The following MDK variants were observed in gnomAD, a reference collection of about 807,000 sequenced individuals.
The protein encoded by MDK is amphiregulin-associated protein.
In MDK, 17 loss-of-function variants were observed where a neutral mutation model predicts 18.9. That is an observed-to-expected ratio of 0.90 (90% CI 0.62 to 1.35). MDK has a LOEUF of 1.35. Among genes scored for constraint, MDK ranks in the 40% most tolerant of loss-of-function variants. The probability of loss-of-function intolerance (pLI) is 0.00; values close to 1 mark genes in which losing one functional copy is unlikely to be tolerated. For synonymous variants in MDK, 86 were observed against 74.3 expected (o/e 1.16, Z -0.81); for missense variants, 180 against 186.3 (o/e 0.97, Z 0.20).
chr11:46,382,781 C>CGGG (rs1342765590), intron 4 of MDK, 33 bp downstream of exon 4: 1 of 470,118 alleles, frequency 2.1e-6, no homozygotes, highest in Admixed American at 7.0e-5. Flanking sequence ...GGGGCTGTCG[C>CGGG]GGGGGGCTGC....
Position 46,382,316 on chromosome 11 carries a change from G to A in MDK, c.99G>A (p.Pro33=). The change falls in exon 3 of 5, where the codon CCG becomes CCA. Residue 33 remains proline (P), a synonymous_variant. Transcript: ENST00000395566. ...TAGATAAGGTGAAGAAGGGCGGCCC[G>A]GGGAGCGAGTGCGCTGAGTGGGCCT... The part of the protein sequence containing the change: ...KKKDKVKKGG[P]GSECAEWAWG... 3 of 1,608,326 alleles carry A rather than the reference G, an allele frequency of 1.9e-6. No individual in the cohort carries two copies. The South Asian group carries it at 3.3e-5, about 18-fold the overall frequency.
At position 46,382,471 on chromosome 11, in the gene MDK, G is replaced by C. The variant is rs759131374; in HGVS notation, c.244+10G>C. 7.8e-5 allele frequency: 119 copies of C among 1,520,296 alleles called. No individual in the cohort carries two copies. Among genetic ancestry groups the C allele is most frequent in the Non-Finnish European group, 1.0e-4 (116 of 1,131,082 alleles). The allele number at this position is 1,520,296 out of a possible 1,614,324, so 94.2% of individuals were successfully genotyped here. On this transcript the variant is annotated intron_variant, in intron 3 of 4. Transcript: ENST00000395566. ...AAGAAGGAGTTTGGAGGTGAGGCGG[G>C]GCGCAGTCAGAGGGCAGGAGACGGG...
Position 46,383,341 on chromosome 11 carries a change from C to CTGAT in MDK, c.407-125_407-122dup, listed in dbSNP as rs1161991715. ...GCCCCATCCCCTGCTTCCGAGTCAGCTGATTGGAAACCACTAGGGGGCAGA... is the reference window on the plus strand; with the variant it reads ...GCCCCATCCCCTGCTTCCGAGTCAGCTGATTGATTGGAAACCACTAGGGGGCAGA... On this transcript the variant is annotated intron_variant, in intron 4 of 4. Transcript: ENST00000395566. The CTGAT allele has an allele frequency of 1.6e-5, 11 of 673,560 alleles. No homozygotes were observed. In the African/African-American group the frequency reaches 2.0e-4, roughly 12 times the overall value. The allele number at this position is 673,560 out of a possible 1,614,324, so 41.7% of individuals were successfully genotyped here. A position where few individuals can be genotyped will look rare whatever the true frequency, so the allele number is the denominator to read the frequency against.
At chr11:46,382,555 C>T in intron 3 of MDK, 32 bp from the exon 4 acceptor site, 1 of 1,581,872 alleles carries the variant, frequency 6.3e-7, no homozygotes, top group African/African-American at 1.3e-5. Flanking sequence ...CCGCGGGCCG[C>T]GCAGCGCTGA....
upstream of MDK, chr11:46,381,169 CG>C (rs1706144165): frequency 2.0e-5 from 3 of 152,340 alleles, no homozygotes; most frequent in Admixed American, 6.5e-5. Flanking sequence ...TGCCCACCCG[CG>C]GAAACCGCCC....
intron 2 of MDK, 49 bp downstream of exon 2, chr11:46,382,182 C>T: frequency 1.2e-6 from 2 of 1,607,314 alleles, no homozygotes; most frequent in Non-Finnish European, 1.7e-6. Flanking sequence ...GGCGAGGCCC[C>T]TCCACTTCTG....
Position 46,382,715 on chromosome 11 carries a change from C to G in MDK, c.373C>G (p.Pro125Ala). ...CCAGGAGACCATCCGCGTCACCAAG[C>G]CCTGCACCCCCAAGACCAAAGCAAA... The part of the protein sequence containing the change: ...QCQETIRVTK[P>A]CTPKTKAKAK... The change falls in exon 4 of 5, where the codon CCC (proline) becomes GCC (alanine). Residue 125 changes from proline to alanine, a missense_variant. Pro to Ala is a conservative substitution (Grantham distance 27). Transcript: ENST00000395566. 6.2e-7 allele frequency: 1 copy of G among 1,612,834 alleles called. No homozygotes were observed.
At position 46,382,465 on chromosome 11, in the gene MDK, A is replaced by G. The variant is rs1438125539; in HGVS notation, c.244+4A>G. 2.6e-6 allele frequency: 4 copies of G among 1,520,744 alleles called. No homozygotes were observed. Among genetic ancestry groups the G allele is most frequent in the Non-Finnish European group, 3.5e-6 (4 of 1,131,444 alleles). The allele number at this position is 1,520,744 out of a possible 1,614,324, so 94.2% of individuals were successfully genotyped here. On this transcript the variant is annotated splice_donor_region_variant and intron_variant, in intron 3 of 4. Coordinates refer to ENST00000395566, the MANE Select transcript of MDK (RefSeq NM_002391.6). ...AACTGGAAGAAGGAGTTTGGAGGTG[A>G]GGCGGGGCGCAGTCAGAGGGCAGGA...
rs750294696 is a variant in MDK, at chr11:46,382,706, G to C, written c.364G>C (p.Val122Leu). 1.2e-6 allele frequency: 2 copies of C among 1,610,992 alleles called. No individual in the cohort carries two copies. The highest frequency in any genetic ancestry group is 2.2e-5 in the South Asian group (2 of 90,976). Residue 122 changes from valine to leucine, a missense_variant, in exon 4 of 5, where the codon GTC (valine) becomes CTC (leucine). Transcript: ENST00000395566. ...TGCTCAGTGCCAGGAGACCATCCGCGTCACCAAGCCCTGCACCCCCAAGAC... is the reference window on the plus strand; with the variant it reads ...TGCTCAGTGCCAGGAGACCATCCGCCTCACCAAGCCCTGCACCCCCAAGAC... Reference protein sequence around the residue: ...YNAQCQETIRVTKPCTPKTKA... With the variant: ...YNAQCQETIRLTKPCTPKTKA...
rs1471619359 is a variant in MDK at position 46,383,416 on chromosome 11, A to G, written c.407-53A>G. The stretch of plus-strand genomic sequence containing the variant: ...GTGTTTGTGGAGCCGGCGGTCTGCA[A>G]TGGGTCAGCCTAACTGCTGATATGG... On this transcript the variant is annotated intron_variant, in intron 4 of 4. Coordinates refer to ENST00000395566, the MANE Select transcript of MDK (RefSeq NM_002391.6). The G allele has an allele frequency of 2.8e-6, 4 of 1,438,258 alleles. No homozygotes were observed. The South Asian group carries it at 5.3e-5, about 19-fold the overall frequency. 89.1% of individuals were successfully genotyped at this position (1,438,258 alleles called of 1,614,324 possible). A position where few individuals can be genotyped will look rare whatever the true frequency, so the allele number is the denominator to read the frequency against.
Position 46,382,638 on chromosome 11 carries a change from G to C in MDK, c.296G>C (p.Gly99Ala), listed in dbSNP as rs1232313239. 7 of 1,612,938 alleles carry C rather than the reference G, an allele frequency of 4.3e-6. No individual in the cohort carries two copies. In the South Asian group the frequency reaches 7.7e-5, roughly 18 times the overall value. Residue 99 changes from glycine (G) to alanine (A), a missense_variant, in exon 4 of 5, where the codon GGC becomes GCC. Coordinates refer to ENST00000395566, the MANE Select transcript of MDK (RefSeq NM_002391.6). ...ENWGACDGGT[G>A]TKVRQGTLKK... is the part of the protein sequence containing the mutation. ...TGGGGTGCGTGTGATGGGGGCACAGGCACCAAAGTCCGCCAAGGCACCCTG... is the reference window on the plus strand; with the variant it reads ...TGGGGTGCGTGTGATGGGGGCACAGCCACCAAAGTCCGCCAAGGCACCCTG...
intron 4 of MDK, 104 bp downstream of exon 4, chr11:46,382,852 G>A (rs1216229313): frequency 5.2e-6 from 7 of 1,340,310 alleles, no homozygotes; most frequent in African/African-American, 1.6e-5. Flanking sequence ...TTTGAGTCCT[G>A]GCCAGTGGCT....
At position 46,383,470 on chromosome 11, in the gene MDK, CA is replaced by C; in HGVS notation, c.410del (p.Lys137ArgfsTer35). 1 of 1,593,746 alleles carries C rather than the reference CA, an allele frequency of 6.3e-7. No homozygotes were observed. The highest frequency in any genetic ancestry group is 1.8e-5 in the Admixed American group (1 of 56,184). ...TPKTKAKAKA[K>X]KGKGKD ...TAATATTTCTTTCTTGTTTTACAGCCAAGAAAGGGAAGGGAAAGGACTAGAC... is the reference window on the plus strand; with the variant it reads ...TAATATTTCTTTCTTGTTTTACAGCCAGAAAGGGAAGGGAAAGGACTAGAC... On this transcript the variant is annotated frameshift_variant and splice_region_variant, in exon 5 of 5. Transcript: ENST00000395566. LOFTEE classifies it high-confidence loss of function.
At chr11:46,382,787 G>GGGGGGGGGCGC in intron 4 of MDK, 39 bp downstream of exon 4, 1 of 1,498,514 alleles carries the variant, frequency 6.7e-7, no homozygotes, top group Non-Finnish European at 8.9e-7. Context: ...GTCGCGGGGG[G>GGGGGGGGGCGC]CTGCCCCCCC....
chr11:46,382,790 G>GGGGGGGGGGGGGGGGGGGGC, intron 4 of MDK, 42 bp downstream of exon 4: 1 of 985,978 alleles, frequency 1.0e-6, no homozygotes, highest in Non-Finnish European at 1.3e-6. Context: ...GCGGGGGGCT[G>GGGGGGGGGGGGGGGGGGGGC]CCCCCCCCCC....
In MDK at chr11:46,382,317, G is replaced by A. The variant is rs1945228160; in HGVS notation, c.100G>A (p.Gly34Arg). The change falls in exon 3 of 5, where the codon GGG becomes AGG. Residue 34 changes from glycine (G) to arginine (R), a missense_variant. Coordinates refer to ENST00000395566, the MANE Select transcript of MDK (RefSeq NM_002391.6). ...AGATAAGGTGAAGAAGGGCGGCCCG[G>A]GGAGCGAGTGCGCTGAGTGGGCCTG... is the stretch of plus-strand genomic sequence containing the variant. ...KKDKVKKGGPGSECAEWAWGP... is the reference protein window; with the variant it reads ...KKDKVKKGGPRSECAEWAWGP... 1 of 1,608,574 alleles carries A rather than the reference G, an allele frequency of 6.2e-7. No individual in the cohort carries two copies. Among genetic ancestry groups the A allele is most frequent in the Admixed American group, 1.7e-5 (1 of 59,274 alleles).
chr11:46,383,063 G>T (rs1393421165), intron 4 of MDK: 8 of 475,996 alleles, frequency 1.7e-5, no homozygotes, highest in Non-Finnish European at 3.1e-5. Context: ...CTCCAGCCAC[G>T]GGCAGCATTT....
chr11:46,382,611 A>G lies in MDK; in HGVS notation c.269A>G (p.Asn90Ser). 2 of 1,612,276 alleles carry G rather than the reference A, an allele frequency of 1.2e-6. No individual in the cohort carries two copies. Among genetic ancestry groups the G allele is most frequent in the Non-Finnish European group, 1.7e-6 (2 of 1,179,614 alleles). The stretch of plus-strand genomic sequence containing the variant: ...GCCGACTGCAAGTACAAGTTTGAGA[A>G]CTGGGGTGCGTGTGATGGGGGCACA... ...FGADCKYKFE[N>S]WGACDGGTGT... The change falls in exon 4 of 5, where the codon AAC (asparagine) becomes AGC (serine). Residue 90 changes from asparagine (N) to serine (S), a missense_variant. Physicochemically the swap from Asn to Ser is conservative, Grantham distance 46. Coordinates refer to ENST00000395566, the MANE Select transcript of MDK (RefSeq NM_002391.6).
chr11:46,382,139 G>A lies in MDK; in HGVS notation c.76+6G>A. On this transcript the variant is annotated splice_donor_region_variant and intron_variant, in intron 2 of 4. Coordinates refer to ENST00000395566, the MANE Select transcript of MDK (RefSeq NM_002391.6). ...CGCGGTCGCCAAAAAGAAAGGTGAT[G>A]GGGGATGATCGAAGGAGGGCTGGGG... The A allele has an allele frequency of 1.2e-6, 2 of 1,611,044 alleles. No homozygotes were observed. The highest frequency in any genetic ancestry group is 2.2e-5 in the East Asian group (1 of 44,814).
Sources: allele counts gnomAD v4.1 joint callset, GRCh38; gene constraint gnomAD v4.1.1; transcripts MANE v1.5; gene names NCBI Gene and HGNC (gene_info 2026-07-23, HGNC 2026-07-21).